RALGPS2: variants seen among roughly 807,000 people sequenced by gnomAD.
The protein encoded by RALGPS2 is Ral GEF with PH domain and SH3 binding motif 2, also known as ras-specific guanine nucleotide-releasing factor RalGPS2.
Under a neutral mutation model 86.8 loss-of-function variants are expected in RALGPS2, and 43 were observed. The observed-to-expected ratio is 0.50, with a 90% confidence interval of 0.39 to 0.64. The LOEUF is 0.64. Among genes scored for constraint, RALGPS2 ranks in the 30% least tolerant of loss-of-function variants. The pLI is 0.00. For synonymous variants in RALGPS2, 243 were observed against 231.3 expected, an observed-to-expected ratio of 1.05 and a Z score of -0.46; for missense variants, 536 against 694.6, an observed-to-expected ratio of 0.77 and a Z score of 2.57.
intron 2 of RALGPS2, among the ~76,000 whole-genome samples, chr1:178,782,640 C>T (rs995195765): frequency 6.6e-6 from 1 of 151,906 alleles, no homozygotes; most frequent in Non-Finnish European, 1.5e-5. Context: ...GGCACTCCCC[C>T]CCAGCAACCC....
At chr1:178,753,520 C>G (rs1377230894) in intron 1 of RALGPS2, 1 of 152,144 alleles carries the variant, frequency 6.6e-6, no homozygotes, top group South Asian at 2.1e-4. Context: ...AGCTGTTCCT[C>G]GGCTCATTTT....
chr1:178,725,758 C>T (rs1649945966), intron 1 of RALGPS2: 1 of 152,220 alleles, frequency 6.6e-6, no homozygotes, highest in African/African-American at 2.4e-5. Context: ...GGCGGAAGCC[C>T]CCAGCCTCCG....
At chr1:178,766,827 T>C (rs1652530546) in intron 1 of RALGPS2, among the ~76,000 whole-genome samples, 1 of 152,252 alleles carries the variant, frequency 6.6e-6, no homozygotes, top group African/African-American at 2.4e-5. Context: ...ATGGATAATA[T>C]CTTGAAATGT....
At chr1:178,831,503 A>G (rs1479389899) in intron 7 of RALGPS2, among the ~76,000 whole-genome samples, 3 of 152,014 alleles carry the variant, frequency 2.0e-5, no homozygotes, top group African/African-American at 7.3e-5. Context: ...GAACATCTAG[A>G]ATTCTGTGGG....
At chr1:178,870,501 A>T (rs1658688366) in intron 8 of RALGPS2, among the ~76,000 whole-genome samples, 1 of 152,202 alleles carries the variant, frequency 6.6e-6, no homozygotes, top group Non-Finnish European at 1.5e-5. Flanking sequence ...TGCATGTATC[A>T]GTCTGTAATC....
At chr1:178,755,847 CTCT>C (rs550584906) in intron 1 of RALGPS2, among the ~76,000 whole-genome samples, 226 of 152,262 alleles carry the variant, frequency 1.5e-3, no homozygotes, top group Non-Finnish European at 2.8e-3. Context: ...CCTCCAACAT[CTCT>C]TATTTCTTGA....
chr1:178,845,553 C>T lies in RALGPS2; in HGVS notation c.607+12003C>T, dbSNP rs1656826900. Among the ~76,000 whole-genome samples, 5 of 152,134 alleles carry T rather than the reference C, an allele frequency of 3.3e-5. No homozygotes were observed. The South Asian group carries it at 1.0e-3, about 32-fold the overall frequency. ...AAAAGTAGTCATATAATAAATGTTT[C>T]TTGGTTCAACTAATTATCCCTTTCT... On this transcript the variant is annotated intron_variant, in intron 8 of 19. Coordinates refer to ENST00000367635, the MANE Select transcript of RALGPS2 (RefSeq NM_152663.5).
chr1:178,908,039 A>C lies in RALGPS2; in HGVS notation c.1722+1172A>C, dbSNP rs184120843. ...TGGTGTATAAATGATCCTGTCACCC[A>C]GTTAGTGAGCAGAGTACCCACTGGT... On this transcript the variant is annotated intron_variant, in intron 19 of 19. Transcript: ENST00000367635. 1.3e-4 allele frequency among the ~76,000 whole-genome samples: 20 copies of C among 152,314 alleles called. No homozygotes were observed. The East Asian group carries it at 3.9e-3, about 29-fold the overall frequency.
At chr1:178,745,822 CT>C (rs34277622) in intron 1 of RALGPS2, among the ~76,000 whole-genome samples, 22,539 of 86,254 alleles carry the variant, frequency 0.26, 1,131 homozygotes, top group Non-Finnish European at 0.31. Context: ...TTCAATTCTT[CT>C]TTTTTTTTTT....
chr1:178,826,687 A>G (rs904910158), intron 7 of RALGPS2, among the ~76,000 whole-genome samples: 1 of 152,214 alleles, frequency 6.6e-6, no homozygotes. Context: ...TGTTACGTAT[A>G]TATTTTACCA....
At chr1:178,812,364 G>A (rs73037798) in intron 6 of RALGPS2, among the ~76,000 whole-genome samples, 9,678 of 152,160 alleles carry the variant, frequency 0.064, 1,053 homozygotes, top group African/African-American at 0.22. Flanking sequence ...TCTCAAGGAA[G>A]TATCTCAGAT....
intron 4 of RALGPS2, among the ~76,000 whole-genome samples, chr1:178,797,706 G>A (rs981854738): frequency 2.6e-5 from 4 of 151,940 alleles, no homozygotes; most frequent in East Asian, 1.9e-4. Flanking sequence ...TTTATAATAC[G>A]TGTCTGTATA....
chr1:178,861,875 G>C (rs1369776192), intron 8 of RALGPS2, among the ~76,000 whole-genome samples: 1 of 151,982 alleles, frequency 6.6e-6, no homozygotes, highest in Non-Finnish European at 1.5e-5. Flanking sequence ...GTTTGTTGTT[G>C]TTGTAGTTGT....
intron 1 of RALGPS2, among the ~76,000 whole-genome samples, chr1:178,731,272 G>GTTT (rs57628726): frequency 0.088 from 5,096 of 57,944 alleles, 1,103 homozygotes; most frequent in East Asian, 0.11. Flanking sequence ...AGTTGTTTTG[G>GTTT]TTTTTTTTTT....
At chr1:178,881,194 A>G (rs561743340) in intron 10 of RALGPS2, among the ~76,000 whole-genome samples, 2 of 152,308 alleles carry the variant, frequency 1.3e-5, no homozygotes, top group Admixed American at 6.5e-5. Flanking sequence ...CAAGGATGCT[A>G]TGGAAACATA....
chr1:178,906,799 G>A lies in RALGPS2; in HGVS notation c.1654G>A (p.Gly552Ser), dbSNP rs1384011613. The A allele has an allele frequency of 6.2e-7, 1 of 1,608,084 alleles. No individual in the cohort carries two copies. The highest frequency in any genetic ancestry group is 8.5e-7 in the Non-Finnish European group (1 of 1,178,454). Residue 552 changes from glycine (G) to serine (S), a missense_variant, in exon 19 of 20, where the codon GGC (glycine) becomes AGC (serine). Gly to Ser is a moderately conservative substitution (Grantham distance 56). Coordinates refer to ENST00000367635, the MANE Select transcript of RALGPS2 (RefSeq NM_152663.5). ...AGGAAATTCGTACAAGTTTCAAGCT[G>A]GCAATAGAATGAATGCAATGTTATG... is the stretch of plus-strand genomic sequence containing the variant. ...EKGNSYKFQA[G>S]NRMNAMLWFK...
intron 8 of RALGPS2, among the ~76,000 whole-genome samples, chr1:178,856,610 C>T (rs1404559427): frequency 6.6e-6 from 1 of 151,434 alleles, no homozygotes; most frequent in Non-Finnish European, 1.5e-5. Flanking sequence ...CTGGGATAGA[C>T]TCAACTTAGT....
At chr1:178,802,748 G>A (rs1572347596) in intron 4 of RALGPS2, among the ~76,000 whole-genome samples, 1 of 152,284 alleles carries the variant, frequency 6.6e-6, no homozygotes, top group South Asian at 2.1e-4. Context: ...GCATATGGCA[G>A]CATGTAAGGT....
intron 1 of RALGPS2, among the ~76,000 whole-genome samples, chr1:178,728,572 A>G (rs1650160225): frequency 6.6e-6 from 1 of 152,128 alleles, no homozygotes; most frequent in Non-Finnish European, 1.5e-5. Flanking sequence ...TAATATGAAT[A>G]CTTTTTTTTA....
Sources: gnomAD v4.1 joint callset for allele counts (sites outside exome capture counted in the v4.1 genomes callset) on GRCh38, gnomAD v4.1.1 for gene constraint, MANE v1.5 for transcripts, NCBI Gene and HGNC (gene_info 2026-07-23, HGNC 2026-07-21) for gene names.